LEO1: variants seen among roughly 807,000 people sequenced by gnomAD.
LEO1 encodes the protein LEO1 component of Paf1/RNA polymerase II complex.
Under a neutral mutation model 80.4 loss-of-function variants are expected in LEO1, and 34 were observed. The ratio of observed to expected loss-of-function variants is 0.42; its 90% CI spans 0.32 to 0.56. The LOEUF (loss-of-function observed/expected upper bound fraction) is 0.56, where lower values mean the gene tolerates loss of function less well. Among genes scored for constraint, LEO1 ranks in the 20% least tolerant of loss-of-function variants. The probability of loss-of-function intolerance (pLI) is 0.10; values close to 1 mark genes in which losing one functional copy is unlikely to be tolerated. For synonymous variants in LEO1, 262 were observed against 274.9 expected (o/e 0.95, Z 0.46); for missense variants, 631 against 814.2 (o/e 0.77, Z 2.74).
At position 51,947,322 on chromosome 15, in the gene LEO1, T is replaced by C; in HGVS notation, c.1866A>G (p.Leu622=). Reference sequence around the variant, plus strand: ...CACTGGTAAGTTTCTTTGCTTTGAGTAATCTTTGAGCTTTATCTTCTTCTG... The same window carrying C: ...CACTGGTAAGTTTCTTTGCTTTGAGCAATCTTTGAGCTTTATCTTCTTCTG... ...EGSEEDKAQR[L]LKAKKLTSDE... The change falls in exon 11 of 12, where the codon TTA becomes TTG. Residue 622 remains leucine, a synonymous_variant. Coordinates refer to ENST00000299601, the MANE Select transcript of LEO1 (RefSeq NM_138792.4). 6.2e-7 allele frequency: 1 copy of C among 1,613,668 alleles called. No homozygotes were observed. The highest frequency in any genetic ancestry group is 1.1e-5 in the South Asian group (1 of 91,076).
chr15:51,949,824 A>G lies in LEO1; in HGVS notation c.1782T>C (p.Tyr594=). 1.9e-6 allele frequency: 3 copies of G among 1,613,266 alleles called. No homozygotes were observed. The highest frequency in any genetic ancestry group is 2.2e-5 in the South Asian group (2 of 91,038). Residue 594 remains tyrosine (Y), a synonymous_variant, in exon 10 of 12, where the codon TAT becomes TAC. Transcript: ENST00000299601. The part of the protein sequence containing the change: ...SISLAAIKNR[Y]KGGIREERAR... ...ACGACTCACCTCGAATGCCCCCTTT[A>G]TATCGGTTTTTAATGGCAGCCAAGC...
At chr15:51,942,790 C>A (rs2056864678) in intron 11 of LEO1, among the ~76,000 whole-genome samples, 1 of 151,456 alleles carries the variant, frequency 6.6e-6, no homozygotes, top group Admixed American at 6.6e-5. Context: ...GGCGTGGTGG[C>A]AGGTGCCTAT....
chr15:51,954,494 A>G lies in LEO1; in HGVS notation c.1327T>C (p.Trp443Arg). ...IKESNARIVK[W>R]SDGSMSLHLG... ...TTTTGTGCTCACCTTCCATCTGACC[A>G]CTTGACTATCCGAGCATTGCTTTCT... Residue 443 changes from tryptophan to arginine, a missense_variant, in exon 7 of 12, where the codon TGG (tryptophan) becomes CGG (arginine). Around this residue, in one of 4 missense-constraint regions of LEO1, gnomAD observed 95 missense variants for 171.7 expected, o/e 0.55. Coordinates refer to ENST00000299601, the MANE Select transcript of LEO1 (RefSeq NM_138792.4). 6.2e-7 allele frequency: 1 copy of G among 1,612,012 alleles called. No individual in the cohort carries two copies. Among genetic ancestry groups the G allele is most frequent in the Non-Finnish European group, 8.5e-7 (1 of 1,178,152 alleles).
chr15:51,962,934 C>A (rs940563811), intron 2 of LEO1, among the ~76,000 whole-genome samples: 2 of 150,382 alleles, frequency 1.3e-5, no homozygotes, highest in South Asian at 2.1e-4. Flanking sequence ...TGCCCCCCCC[C>A]CAAAAAATTA....
chr15:51,954,611 T>C (rs770575994), intron 6 of LEO1, 36 bp from the exon 7 acceptor site: 1 of 1,353,916 alleles, frequency 7.4e-7, no homozygotes, highest in South Asian at 1.2e-5. Flanking sequence ...AAAATTATAG[T>C]TTAAATGACT....
At chr15:51,947,863 T>G (rs568696005) in intron 10 of LEO1, among the ~76,000 whole-genome samples, 75 of 152,242 alleles carry the variant, frequency 4.9e-4, no homozygotes, top group Non-Finnish European at 8.2e-4. Context: ...AGTATAAATT[T>G]TAGATATGCG....
chr15:51,943,195 T>C (rs1437459474), intron 11 of LEO1, among the ~76,000 whole-genome samples: 2 of 151,372 alleles, frequency 1.3e-5, no homozygotes, highest in African/African-American at 4.9e-5. Context: ...CTGGCCAACA[T>C]AGTGAAACCC....
Position 51,950,002 on chromosome 15 carries a change from G to T in LEO1, c.1612-8C>A, listed in dbSNP as rs368482298. ...CAAACGTTCTTCTTCTTTCTGTAAA[G>T]AAGCAAATAACCTCTTTAACCTAAA... On this transcript the variant is annotated splice_region_variant and splice_polypyrimidine_tract_variant and intron_variant, in intron 9 of 11. Transcript: ENST00000299601. The T allele has an allele frequency of 3.7e-6, 6 of 1,606,162 alleles. No individual in the cohort carries two copies. In the African/African-American group the frequency reaches 8.0e-5, roughly 22 times the overall value.
chr15:51,950,231 A>G (rs2056938294), intron 9 of LEO1, among the ~76,000 whole-genome samples: 1 of 152,210 alleles, frequency 6.6e-6, no homozygotes, highest in Non-Finnish European at 1.5e-5. Flanking sequence ...CCCAACTGGC[A>G]TTGGCACAGG....
chr15:51,938,913 G>A (rs1368130414), intron 11 of LEO1, among the ~76,000 whole-genome samples: 1 of 152,214 alleles, frequency 6.6e-6, no homozygotes, highest in Non-Finnish European at 1.5e-5. Context: ...GGCCGGGCAT[G>A]ATGGCTCATG....
chr15:51,971,562 G>A, intron 1 of LEO1, 126 bp downstream of exon 1: 1 of 903,224 alleles, frequency 1.1e-6, no homozygotes, highest in Non-Finnish European at 1.8e-6. Flanking sequence ...GGGAGTGCAG[G>A]GGGCGCTGAG....
intron 6 of LEO1, among the ~76,000 whole-genome samples, chr15:51,955,555 T>G (rs944174321): frequency 1.3e-5 from 2 of 152,160 alleles, no homozygotes; most frequent in Non-Finnish European, 2.9e-5. Context: ...TGCTGCCTCC[T>G]GGAAACCCAC....
Position 51,966,393 on chromosome 15 carries a change from C to G in LEO1, c.170G>C (p.Ser57Thr). The stretch of plus-strand genomic sequence containing the variant: ...GTCATCTCCAAACAGTTCCTTATTA[C>G]TTGGTTGTCCTGAATCACCTCTTTC... ...QDERGDSGQP[S>T]NKELFGDDSE... The change falls in exon 2 of 12, where the codon AGT (serine) becomes ACT (threonine). Residue 57 changes from serine (S) to threonine (T), a missense_variant. Ser to Thr is a moderately conservative substitution (Grantham distance 58). Coordinates refer to ENST00000299601, the MANE Select transcript of LEO1 (RefSeq NM_138792.4). 4 of 1,614,152 alleles carry G rather than the reference C, an allele frequency of 2.5e-6. No homozygotes were observed. The highest frequency in any genetic ancestry group is 1.1e-5 in the South Asian group (1 of 91,088).
At position 51,941,045 on chromosome 15, in the gene LEO1, T is replaced by A. The variant is rs143704064; in HGVS notation, c.1897-2785A>T. ...CTGAGATCGCGGCGCTGCACTCCAG[T>A]CTGGGCAACAGAGCAAGACTCCATC... is the stretch of plus-strand genomic sequence containing the variant. On this transcript the variant is annotated intron_variant, in intron 11 of 11. Coordinates refer to ENST00000299601, the MANE Select transcript of LEO1 (RefSeq NM_138792.4). Among the ~76,000 whole-genome samples, 81 of 151,846 alleles carry A rather than the reference T, an allele frequency of 5.3e-4. No homozygotes were observed. In the East Asian group the frequency reaches 0.015, roughly 28 times the overall value.
chr15:51,969,959 A>G (rs1247483027), intron 1 of LEO1, among the ~76,000 whole-genome samples: 1 of 152,146 alleles, frequency 6.6e-6, no homozygotes, highest in African/African-American at 2.4e-5. Flanking sequence ...GAAACAAATA[A>G]AAACTTAAAA....
chr15:51,951,482 A>G (rs1422473670), intron 9 of LEO1, among the ~76,000 whole-genome samples: 1 of 152,204 alleles, frequency 6.6e-6, no homozygotes. Context: ...CTCCTGGTCT[A>G]TTCTCTATTT....
At chr15:51,960,563 C>G in intron 4 of LEO1, 76 bp downstream of exon 4, 2 of 803,824 alleles carry the variant, frequency 2.5e-6, no homozygotes, top group Non-Finnish European at 4.3e-6. Flanking sequence ...ACTTCCTTTC[C>G]TGGAATAAGG....
At chr15:51,960,265 T>C (rs1346758730) in intron 4 of LEO1, among the ~76,000 whole-genome samples, 1 of 152,220 alleles carries the variant, frequency 6.6e-6, no homozygotes, top group African/African-American at 2.4e-5. Context: ...GATAAATCTG[T>C]CTTCCAAATA....
At chr15:51,944,783 T>C (rs932062841) in intron 11 of LEO1, among the ~76,000 whole-genome samples, 1 of 152,140 alleles carries the variant, frequency 6.6e-6, no homozygotes, top group African/African-American at 2.4e-5. Context: ...GTAATAAAAC[T>C]TTATATTAAT....
Sources: gnomAD v4.1 joint callset for allele counts (sites outside exome capture counted in the v4.1 genomes callset) on GRCh38, gnomAD v4.1.1 for gene constraint, gnomAD v4.1.1 regional missense constraint, MANE v1.5 for transcripts, NCBI Gene and HGNC (gene_info 2026-07-23, HGNC 2026-07-21) for gene names.